ADAMTS3: variants seen among roughly 807,000 people sequenced by gnomAD.
ADAMTS3 encodes the protein ADAM metallopeptidase with thrombospondin type 1 motif 3.
A neutral mutation model predicts 129.0 loss-of-function variants in ADAMTS3; 73 were observed. The observed-to-expected ratio is 0.57, with a 90% CI of 0.47 to 0.69. The LOEUF is 0.69. ADAMTS3 is among the 30% of genes least tolerant of loss of function. The pLI, the probability that ADAMTS3 is intolerant of heterozygous loss-of-function variation, is 0.00. For missense variants in ADAMTS3, 1,457 were observed against 1,514.5 expected (o/e 0.96, Z 0.63); for synonymous variants, 477 against 510.8 (o/e 0.93, Z 0.89).
chr4:72,472,721 G>A (rs1438188474), intron 3 of ADAMTS3, among the ~76,000 whole-genome samples: 1 of 152,036 alleles, frequency 6.6e-6, no homozygotes, highest in Non-Finnish European at 1.5e-5. Context: ...TACTCTTAGG[G>A]GAATAATTAC....
chr4:72,517,815 G>T (rs1254260381), intron 3 of ADAMTS3, among the ~76,000 whole-genome samples: 1 of 151,450 alleles, frequency 6.6e-6, no homozygotes, highest in African/African-American at 2.4e-5. Flanking sequence ...TTTTTGAAGG[G>T]TTTTTTGTGT....
chr4:72,319,963 C>T lies in ADAMTS3; in HGVS notation c.1103G>A (p.Gly368Glu). 3.7e-6 allele frequency: 6 copies of T among 1,608,072 alleles called. No individual in the cohort carries two copies. Among genetic ancestry groups the T allele is most frequent in the Non-Finnish European group, 5.1e-6 (6 of 1,174,746 alleles). ...ACACATGCCGGTGACTGGAGCATAT[C>T]CTGTAGAGAATAACAATTACTTTTA... ...RQDFGPAGMQ[G>E]YAPVTGMCHP... Residue 368 changes from glycine (G) to glutamate (E), a missense_variant and splice_region_variant, in exon 8 of 22, where the codon GGA becomes GAA. Gly to Glu is a moderately conservative substitution (Grantham distance 98). Coordinates refer to ENST00000286657, the MANE Select transcript of ADAMTS3 (RefSeq NM_014243.3).
At chr4:72,458,604 A>G (rs952005025) in intron 3 of ADAMTS3, among the ~76,000 whole-genome samples, 1 of 151,552 alleles carries the variant, frequency 6.6e-6, no homozygotes, top group African/African-American at 2.4e-5. Flanking sequence ...GGTGAAATGG[A>G]TAATTCAATG....
At chr4:72,369,784 A>G (rs1720959597) in intron 4 of ADAMTS3, among the ~76,000 whole-genome samples, 1 of 152,026 alleles carries the variant, frequency 6.6e-6, no homozygotes, top group African/African-American at 2.4e-5. Context: ...TGAAGGTGTT[A>G]GAGAACTGCT....
intron 3 of ADAMTS3, among the ~76,000 whole-genome samples, chr4:72,449,231 C>T (rs767600257): frequency 9.2e-5 from 14 of 151,664 alleles, no homozygotes; most frequent in Non-Finnish European, 1.5e-4. Flanking sequence ...CTGTTTTTAA[C>T]ACCTAAATCT....
chr4:72,513,470 TC>T (rs963022678), intron 3 of ADAMTS3, among the ~76,000 whole-genome samples: 1 of 152,176 alleles, frequency 6.6e-6, no homozygotes, highest in African/African-American at 2.4e-5. Flanking sequence ...TCTTTCCACT[TC>T]CGTTTCACTC....
intron 5 of ADAMTS3, among the ~76,000 whole-genome samples, chr4:72,338,935 C>T (rs1017431884): frequency 1.3e-5 from 2 of 152,112 alleles, no homozygotes; most frequent in East Asian, 1.9e-4. Context: ...TTTAAAGAGA[C>T]CATTAGTGGT....
chr4:72,439,866 G>T (rs1278979001), intron 3 of ADAMTS3, among the ~76,000 whole-genome samples: 6 of 151,386 alleles, frequency 4.0e-5, no homozygotes, highest in Middle Eastern at 7.0e-3. Context: ...ATTTCCAAAG[G>T]CAATAATTTT....
chr4:72,534,954 C>T (rs1340503318), intron 3 of ADAMTS3, among the ~76,000 whole-genome samples: 1 of 152,114 alleles, frequency 6.6e-6, no homozygotes. Flanking sequence ...CAATATGCCA[C>T]AAAGTCTTCT....
intron 3 of ADAMTS3, among the ~76,000 whole-genome samples, chr4:72,538,322 T>G (rs573976402): frequency 6.6e-6 from 1 of 152,214 alleles, no homozygotes; most frequent in Non-Finnish European, 1.5e-5. Context: ...TCAAAGAGAC[T>G]CATACCAAAA....
chr4:72,477,719 C>CA (rs1217033333), intron 3 of ADAMTS3, among the ~76,000 whole-genome samples: 2 of 151,858 alleles, frequency 1.3e-5, no homozygotes, highest in Admixed American at 6.6e-5. Context: ...AATAGAGACA[C>CA]AAAAAACCCT....
intron 3 of ADAMTS3, among the ~76,000 whole-genome samples, chr4:72,450,989 G>GAGAAGAGAAA (rs778722246): frequency 1.5e-5 from 1 of 66,284 alleles, no homozygotes; most frequent in Admixed American, 1.1e-4. Flanking sequence ...GAGAAGAGAA[G>GAGAAGAGAAA]AGAAGAGAAG....
intron 3 of ADAMTS3, among the ~76,000 whole-genome samples, chr4:72,503,949 T>C (rs559243758): frequency 8.5e-5 from 13 of 152,344 alleles, no homozygotes; most frequent in Admixed American, 4.6e-4. Flanking sequence ...TTGTGCATAA[T>C]AGATTTTTCT....
intron 2 of ADAMTS3, among the ~76,000 whole-genome samples, chr4:72,566,026 T>G (rs769696636): frequency 2.0e-4 from 31 of 151,438 alleles, no homozygotes; most frequent in Non-Finnish European, 4.4e-5. Context: ...TACTTAAGAG[T>G]TGGTTAAAAA....
chr4:72,529,770 GTTAA>G (rs1345960814), intron 3 of ADAMTS3, among the ~76,000 whole-genome samples: 29 of 95,068 alleles, frequency 3.1e-4, no homozygotes, highest in Non-Finnish European at 4.4e-4. Context: ...ATTAATATAT[GTTAA>G]TTAATATATG....
intron 19 of ADAMTS3, among the ~76,000 whole-genome samples, chr4:72,294,684 G>A (rs936004040): frequency 3.3e-5 from 5 of 151,932 alleles, no homozygotes; most frequent in Admixed American, 1.3e-4. Context: ...ACAAAATGAC[G>A]GTCCTACAAA....
chr4:72,364,225 CAA>C (rs756268391), intron 4 of ADAMTS3, among the ~76,000 whole-genome samples: 26 of 150,442 alleles, frequency 1.7e-4, no homozygotes, highest in Non-Finnish European at 3.3e-4. Flanking sequence ...CACAAACACA[CAA>C]AGAGAGAAAA....
At position 72,524,883 on chromosome 4, in the gene ADAMTS3, C is replaced by T. The variant is rs75838543; in HGVS notation, c.504+23595G>A. Among the ~76,000 whole-genome samples the T allele has an allele frequency of 4.6e-3, 698 of 152,220 alleles. 7 individuals carry two copies. Among genetic ancestry groups the T allele is most frequent in the African/African-American group, 0.016 (673 of 41,516 alleles). ...AAATAGAACTGGACAGAATAGGAAGCGTCCCTAAGACCTCTTTGAAGTACT... is the reference window on the plus strand; with the variant it reads ...AAATAGAACTGGACAGAATAGGAAGTGTCCCTAAGACCTCTTTGAAGTACT... On this transcript the variant is annotated intron_variant, in intron 3 of 21. Coordinates refer to ENST00000286657, the MANE Select transcript of ADAMTS3 (RefSeq NM_014243.3).
At chr4:72,530,133 A>G (rs1379964713) in intron 3 of ADAMTS3, among the ~76,000 whole-genome samples, 2 of 710 alleles carry the variant, frequency 2.8e-3, no homozygotes, top group African/African-American at 3.1e-3. Flanking sequence ...ATTATAATAT[A>G]ATATATATTA....
Sources: allele counts gnomAD v4.1 joint callset (sites outside exome capture counted in the v4.1 genomes callset), GRCh38; gene constraint gnomAD v4.1.1; transcripts MANE v1.5; gene names NCBI Gene and HGNC (gene_info 2026-07-23, HGNC 2026-07-21).